Variants in PTPRD observed in about 807,000 individuals in gnomAD.
PTPRD encodes protein tyrosine phosphatase receptor type D.
PTPRD carries 34 observed loss-of-function variants against 214.5 expected under a neutral mutation model. The ratio of observed to expected loss-of-function variants is 0.16; its 90% CI spans 0.12 to 0.21. The LOEUF is 0.21. Among genes scored for constraint, PTPRD ranks in the 10% least tolerant of loss-of-function variants. The pLI is 1.00. For missense variants in PTPRD, 2,545 were observed against 2,398.7 expected (o/e 1.06, Z -1.27); for synonymous variants, 1,128 against 845.7 (o/e 1.33, Z -5.79).
intron 4 of PTPRD, among the ~76,000 whole-genome samples, chr9:9,947,385 T>TATATATTATATATATTATATATATTA (rs2092776081): frequency 2.5e-5 from 1 of 40,814 alleles, no homozygotes; most frequent in African/African-American, 1.1e-4. Context: ...TATATATATT[T>TATATATTATATATATTATATATATTA]TATATACATA....
chr9:10,089,337 C>A (rs967164542), intron 3 of PTPRD, among the ~76,000 whole-genome samples: 1 of 151,290 alleles, frequency 6.6e-6, no homozygotes, highest in Admixed American at 6.6e-5. Flanking sequence ...TATGATAATA[C>A]AAGTTAGTAA....
chr9:9,657,305 A>T (rs531560413), intron 7 of PTPRD, among the ~76,000 whole-genome samples: 39 of 152,296 alleles, frequency 2.6e-4, no homozygotes, highest in African/African-American at 9.4e-4. Context: ...CTTTGCAGGG[A>T]CATGGATGAA....
rs1599417792 is a variant in PTPRD at position 9,841,210 on chromosome 9, T to G, written c.-367-74359A>C. Among the ~76,000 whole-genome samples the G allele has an allele frequency of 2.6e-5, 4 of 152,242 alleles. No homozygotes were observed. In the South Asian group the frequency reaches 8.3e-4, roughly 32 times the overall value. On this transcript the variant is annotated intron_variant, in intron 5 of 45. Transcript: ENST00000381196. Reference sequence around the variant, plus strand: ...TACTGGGGGATAGGAGTAGTGGTAGTGGGGTTAACAGAAATAATAAGGGTA... The same window carrying G: ...TACTGGGGGATAGGAGTAGTGGTAGGGGGGTTAACAGAAATAATAAGGGTA...
rs111447812 is a variant in PTPRD at position 8,529,058 on chromosome 9, T to C, written c.353-279A>G. ...AAGAGCAAAGAGGGAGAAATAATTA[T>C]AGGGTTTGTGCTTGAGATCAGTGAG... On this transcript the variant is annotated intron_variant, in intron 14 of 45. Transcript: ENST00000381196. Among the ~76,000 whole-genome samples the C allele has an allele frequency of 3.2e-3, 481 of 152,132 alleles. 4 individuals carry two copies. Among genetic ancestry groups the C allele is most frequent in the African/African-American group, 0.011 (461 of 41,520 alleles).
intron 2 of PTPRD, among the ~76,000 whole-genome samples, chr9:10,466,850 A>T (rs535812071): frequency 2.6e-5 from 4 of 152,142 alleles, no homozygotes; most frequent in Non-Finnish European, 4.4e-5. Context: ...AGGGAGAAAT[A>T]GAAGCATAAT....
At chr9:8,627,786 C>G (rs560015755) in intron 14 of PTPRD, among the ~76,000 whole-genome samples, 2 of 151,966 alleles carry the variant, frequency 1.3e-5, no homozygotes, top group Non-Finnish European at 2.9e-5. Context: ...CATAGACTAT[C>G]CACATGGGCT....
rs528289421 is a variant in PTPRD, at chr9:10,468,983, T to A, written c.-599-127966A>T. 4.7e-4 allele frequency among the ~76,000 whole-genome samples: 71 copies of A among 152,184 alleles called. 1 individual carries two copies. In the South Asian group the frequency reaches 8.1e-3, roughly 17 times the overall value. On this transcript the variant is annotated intron_variant, in intron 2 of 45. Transcript: ENST00000381196. ...AGTAAGTGAATTAGAAAAAAAGTTA[T>A]CCAGAATTGTAAATATAACTACCCA... is the stretch of plus-strand genomic sequence containing the variant.
At chr9:8,566,169 C>T (rs1394742480) in intron 14 of PTPRD, among the ~76,000 whole-genome samples, 2 of 141,666 alleles carry the variant, frequency 1.4e-5, no homozygotes, top group African/African-American at 2.6e-5. Context: ...TAGACCAATG[C>T]ATTCTCTTTG....
At chr9:10,466,188 T>C (rs889752267) in intron 2 of PTPRD, among the ~76,000 whole-genome samples, 2 of 152,178 alleles carry the variant, frequency 1.3e-5, no homozygotes, top group African/African-American at 4.8e-5. Context: ...GATTTCTCTG[T>C]TTTATTCATA....
intron 9 of PTPRD, among the ~76,000 whole-genome samples, chr9:9,306,157 T>C (rs991469999): frequency 2.0e-5 from 3 of 152,152 alleles, no homozygotes; most frequent in South Asian, 2.1e-4. Context: ...GGAAATTCTA[T>C]GAGTAAAAAC....
intron 11 of PTPRD, among the ~76,000 whole-genome samples, chr9:8,772,201 T>G (rs548785013): frequency 1.3e-5 from 2 of 152,188 alleles, no homozygotes; most frequent in South Asian, 4.1e-4. Flanking sequence ...TCTGCTTATT[T>G]TTACATAATT....
intron 10 of PTPRD, among the ~76,000 whole-genome samples, chr9:9,157,198 A>T (rs145320713): frequency 6.6e-6 from 1 of 152,310 alleles, no homozygotes; most frequent in African/African-American, 2.4e-5. Flanking sequence ...TCAAATAAAC[A>T]ATATAATGTT....
chr9:8,513,440 T>C (rs947992557), intron 21 of PTPRD, among the ~76,000 whole-genome samples: 2 of 152,036 alleles, frequency 1.3e-5, no homozygotes, highest in Non-Finnish European at 2.9e-5. Context: ...TGGAATCCGG[T>C]TTCAAACAAA....
chr9:9,488,968 G>C (rs774257224), intron 8 of PTPRD, among the ~76,000 whole-genome samples: 2 of 152,150 alleles, frequency 1.3e-5, no homozygotes, highest in Non-Finnish European at 2.9e-5. Flanking sequence ...GCAGTACAAA[G>C]AGGCAGGAGG....
chr9:10,269,268 T>G (rs1465409247), intron 3 of PTPRD, among the ~76,000 whole-genome samples: 1 of 152,228 alleles, frequency 6.6e-6, no homozygotes, highest in Non-Finnish European at 1.5e-5. Context: ...ATCTATTTGA[T>G]CCACGTAAGA....
At chr9:10,567,085 T>C (rs2065860968) in intron 2 of PTPRD, among the ~76,000 whole-genome samples, 1 of 152,082 alleles carries the variant, frequency 6.6e-6, no homozygotes, top group South Asian at 2.1e-4. Context: ...TGCTTTTCTC[T>C]CTCCTAGTAT....
chr9:9,983,605 C>T (rs1352985315), intron 4 of PTPRD, among the ~76,000 whole-genome samples: 1 of 152,186 alleles, frequency 6.6e-6, no homozygotes, highest in Non-Finnish European at 1.5e-5. Flanking sequence ...GGAACCAAAA[C>T]GTACACTCAC....
chr9:10,280,354 T>C (rs576999549), intron 3 of PTPRD, among the ~76,000 whole-genome samples: 2 of 134,464 alleles, frequency 1.5e-5, no homozygotes, highest in South Asian at 2.4e-4. Flanking sequence ...TTTAAATACA[T>C]AAACACCACA....
At chr9:10,390,204 G>C (rs948024303) in intron 2 of PTPRD, among the ~76,000 whole-genome samples, 3 of 151,720 alleles carry the variant, frequency 2.0e-5, no homozygotes, top group African/African-American at 7.3e-5. Flanking sequence ...CTGTATTATA[G>C]ATAAGAACAG....
Sources: allele counts gnomAD v4.1 joint callset (sites outside exome capture counted in the v4.1 genomes callset), GRCh38; gene constraint gnomAD v4.1.1; transcripts MANE v1.5; gene names NCBI Gene and HGNC (gene_info 2026-07-23, HGNC 2026-07-21).